CTNNA2: variants seen among roughly 807,000 people sequenced by gnomAD.
CTNNA2 encodes catenin alpha 2.
Under a neutral mutation model 101.0 loss-of-function variants are expected in CTNNA2, and 42 were observed. The observed-to-expected ratio is 0.42, with a 90% CI of 0.32 to 0.54. The LOEUF is 0.54. Ranked by LOEUF, CTNNA2 falls within the 20% of genes least tolerant of loss-of-function variation. The pLI is 0.14. For missense variants in CTNNA2, 871 were observed against 1,223.1 expected (o/e 0.71, Z 4.29); for synonymous variants, 450 against 456.4 (o/e 0.99, Z 0.18).
chr2:80,073,502 T>TC (rs781755801), intron 7 of CTNNA2, among the ~76,000 whole-genome samples: 33 of 152,126 alleles, frequency 2.2e-4, no homozygotes, highest in Admixed American at 5.2e-4. Flanking sequence ...TGGCTACAGG[T>TC]GTTGGGCACA....
At chr2:79,591,209 A>G (rs549271788) in intron 1 of CTNNA2, among the ~76,000 whole-genome samples, 1 of 152,206 alleles carries the variant, frequency 6.6e-6, no homozygotes, top group African/African-American at 2.4e-5. Context: ...TTTAATTTTA[A>G]TGACTTCATA....
At chr2:79,789,505 G>T (rs1476471956) in intron 3 of CTNNA2, among the ~76,000 whole-genome samples, 1 of 152,060 alleles carries the variant, frequency 6.6e-6, no homozygotes, top group Non-Finnish European at 1.5e-5. Flanking sequence ...GAGCCAATTC[G>T]ATTTGCATGT....
chr2:80,305,227 C>A (rs1315938517), intron 7 of CTNNA2: 35 of 985,132 alleles, frequency 3.6e-5, no homozygotes, highest in Non-Finnish European at 3.6e-5. Context: ...AGTCAGCCAG[C>A]CCTTTTTTGA....
chr2:80,056,185 T>C (rs750990270), intron 7 of CTNNA2, among the ~76,000 whole-genome samples: 48 of 152,078 alleles, frequency 3.2e-4, no homozygotes, highest in Non-Finnish European at 4.7e-4. Flanking sequence ...TCTCTAGCCT[T>C]CTCTTGCTGG....
intron 7 of CTNNA2, among the ~76,000 whole-genome samples, chr2:80,337,175 G>A (rs1178698438): frequency 6.6e-6 from 1 of 152,062 alleles, no homozygotes; most frequent in African/African-American, 2.4e-5. Context: ...TTGACATGGT[G>A]AAACCCCGTC....
At chr2:79,896,196 T>A (rs1299283962) in intron 6 of CTNNA2, among the ~76,000 whole-genome samples, 1 of 151,854 alleles carries the variant, frequency 6.6e-6, no homozygotes, top group Non-Finnish European at 1.5e-5. Flanking sequence ...AATAGAAGGA[T>A]CACTTGAGCC....
chr2:79,641,156 TG>T (rs1376816891), intron 1 of CTNNA2, among the ~76,000 whole-genome samples: 1 of 152,158 alleles, frequency 6.6e-6, no homozygotes, highest in African/African-American at 2.4e-5. Flanking sequence ...AAAGAGAAGT[TG>T]GGGCTTGTTG....
At chr2:80,330,907 C>A (rs1289474530) in intron 7 of CTNNA2, among the ~76,000 whole-genome samples, 4 of 152,048 alleles carry the variant, frequency 2.6e-5, no homozygotes, top group Non-Finnish European at 5.9e-5. Flanking sequence ...TTGTTGGGGC[C>A]CCCAGGCTAA....
At chr2:80,370,880 T>G (rs1675377668) in intron 7 of CTNNA2, among the ~76,000 whole-genome samples, 1 of 152,168 alleles carries the variant, frequency 6.6e-6, no homozygotes, top group Non-Finnish European at 1.5e-5. Context: ...ACAAGAGGCT[T>G]CATAAAGAAA....
intron 3 of CTNNA2, among the ~76,000 whole-genome samples, chr2:79,825,810 T>C (rs1174027662): frequency 6.6e-6 from 1 of 152,196 alleles, no homozygotes; most frequent in Non-Finnish European, 1.5e-5. Context: ...GACCAAGCCC[T>C]GAGGATCAGA....
chr2:79,721,883 T>C (rs1686513196), intron 2 of CTNNA2, among the ~76,000 whole-genome samples: 1 of 152,194 alleles, frequency 6.6e-6, no homozygotes, highest in Non-Finnish European at 1.5e-5. Flanking sequence ...AAATGTATTA[T>C]GTAATACAGT....
At chr2:79,580,278 T>G (rs1676068818) in intron 1 of CTNNA2, among the ~76,000 whole-genome samples, 1 of 152,136 alleles carries the variant, frequency 6.6e-6, no homozygotes, top group Admixed American at 6.6e-5. Context: ...GCGAGGTAAT[T>G]ACAGAAGAAG....
intron 4 of CTNNA2, among the ~76,000 whole-genome samples, chr2:79,399,012 A>T (rs1161297187): frequency 6.6e-6 from 1 of 152,088 alleles, no homozygotes; most frequent in Non-Finnish European, 1.5e-5. Flanking sequence ...GGTAGAACTG[A>T]ATTTAGCCCA....
chr2:80,371,766 G>C (rs1223118394), intron 7 of CTNNA2, among the ~76,000 whole-genome samples: 3 of 152,156 alleles, frequency 2.0e-5, no homozygotes, highest in African/African-American at 7.2e-5. Context: ...TGGAAGGTAA[G>C]GTTGGAGAGC....
intron 2 of CTNNA2, among the ~76,000 whole-genome samples, chr2:79,233,504 T>C (rs1274303387): frequency 6.6e-6 from 1 of 152,300 alleles, no homozygotes; most frequent in East Asian, 1.9e-4. Context: ...ATTCTGTGTA[T>C]GGATGACAAA....
At chr2:79,636,294 A>AAAAAAAAAAAAG (rs1680060786) in intron 1 of CTNNA2, among the ~76,000 whole-genome samples, 1 of 131,598 alleles carries the variant, frequency 7.6e-6, no homozygotes, top group Admixed American at 7.9e-5. Context: ...AAAAAAAAAA[A>AAAAAAAAAAAAG]AAAAAGGAAG....
intron 1 of CTNNA2, among the ~76,000 whole-genome samples, chr2:79,191,907 G>A (rs372334941): frequency 5.9e-5 from 9 of 152,074 alleles, no homozygotes; most frequent in South Asian, 2.1e-4. Flanking sequence ...AATGGAGGAC[G>A]CAGAGATGCC....
intron 9 of CTNNA2, among the ~76,000 whole-genome samples, chr2:80,429,819 A>C (rs1011223256): frequency 2.0e-5 from 3 of 152,230 alleles, no homozygotes; most frequent in Non-Finnish European, 4.4e-5. Context: ...ATATCTGTTC[A>C]AATTACTAAA....
At chr2:79,362,622 C>T (rs1677656922) in intron 3 of CTNNA2, among the ~76,000 whole-genome samples, 1 of 152,188 alleles carries the variant, frequency 6.6e-6, no homozygotes, top group South Asian at 2.1e-4. Flanking sequence ...TGATGTTGCA[C>T]TTCCCAGGCT....
Sources: gnomAD v4.1 joint callset for allele counts (sites outside exome capture counted in the v4.1 genomes callset) on GRCh38, gnomAD v4.1.1 for gene constraint, MANE v1.5 for transcripts, NCBI Gene and HGNC (gene_info 2026-07-23, HGNC 2026-07-21) for gene names.